RNF180: variants seen among roughly 807,000 people sequenced by gnomAD.
The protein encoded by RNF180 is ring finger protein 180, also known as E3 ubiquitin-protein ligase RNF180.
In RNF180, 38 loss-of-function variants were observed where a neutral mutation model predicts 59.2. The ratio of observed to expected loss-of-function variants is 0.64; its 90% CI spans 0.50 to 0.84. The LOEUF (loss-of-function observed/expected upper bound fraction) is 0.84. Ranked by LOEUF, RNF180 falls within the 40% of genes least tolerant of loss-of-function variation. The pLI is 0.00. For missense variants in RNF180, 705 were observed against 700.9 expected, an observed-to-expected ratio of 1.01 and a Z score of -0.07; for synonymous variants, 262 against 240.3, an observed-to-expected ratio of 1.09 and a Z score of -0.84.
At chr5:64,272,275 G>A (rs1044206347) in intron 5 of RNF180, among the ~76,000 whole-genome samples, 1 of 152,024 alleles carries the variant, frequency 6.6e-6, no homozygotes, top group Admixed American at 6.6e-5. Context: ...AATTGAAAAA[G>A]TGTCCTTTTG....
intron 5 of RNF180, among the ~76,000 whole-genome samples, chr5:64,302,336 A>T (rs909987317): frequency 5.9e-5 from 9 of 151,440 alleles, no homozygotes; most frequent in Non-Finnish European, 1.2e-4. Flanking sequence ...TTATTTATTT[A>T]TTTTTTTAGT....
chr5:64,369,688 C>T lies in RNF180; in HGVS notation c.1653C>T (p.His551=), dbSNP rs1258636845. ...PHGAHRMDYL[H]FEDDSRGWWF... is the part of the protein sequence containing the mutation. ...GTGCACACAGGATGGATTACCTGCA[C>T]TTTGAGGATGATAGCCGTGGATGGT... Residue 551 remains histidine (H), a synonymous_variant, in exon 8 of 8, where the codon CAC becomes CAT. Transcript: ENST00000389100. The T allele has an allele frequency of 5.8e-6, 9 of 1,547,986 alleles. No homozygotes were observed. In the South Asian group the frequency reaches 1.1e-4, roughly 18 times the overall value.
chr5:64,175,583 T>G (rs910783916), intron 1 of RNF180, among the ~76,000 whole-genome samples: 1 of 152,188 alleles, frequency 6.6e-6, no homozygotes, highest in African/African-American at 2.4e-5. Context: ...TGCTCAAGAT[T>G]ACTTTGGCTA....
chr5:64,322,736 A>G (rs1156678438), intron 5 of RNF180, among the ~76,000 whole-genome samples: 2 of 152,110 alleles, frequency 1.3e-5, no homozygotes, highest in Non-Finnish European at 2.9e-5. Context: ...GAAGTAACTC[A>G]GGAATGGAAA....
chr5:64,234,849 T>C (rs572342993), intron 5 of RNF180, among the ~76,000 whole-genome samples: 2 of 152,052 alleles, frequency 1.3e-5, no homozygotes, highest in East Asian at 3.9e-4. Context: ...TCCACCCTCC[T>C]TGGCCTCCCG....
At chr5:64,213,090 T>A (rs1266424295) in intron 3 of RNF180, among the ~76,000 whole-genome samples, 2 of 152,240 alleles carry the variant, frequency 1.3e-5, no homozygotes, top group Non-Finnish European at 2.9e-5. Flanking sequence ...TTTGGTTGTA[T>A]GTAAAAAGCC....
At chr5:64,269,263 C>G (rs1449832861) in intron 5 of RNF180, among the ~76,000 whole-genome samples, 1 of 152,124 alleles carries the variant, frequency 6.6e-6, no homozygotes. Context: ...GACAGGGTCT[C>G]ACTCTGTCAC....
At chr5:64,215,566 T>C (rs1033662069) in intron 4 of RNF180, among the ~76,000 whole-genome samples, 3 of 152,088 alleles carry the variant, frequency 2.0e-5, no homozygotes, top group Admixed American at 2.0e-4. Context: ...TGTTTACAAG[T>C]GATAGTATAA....
intron 5 of RNF180, among the ~76,000 whole-genome samples, chr5:64,314,287 C>G (rs934708622): frequency 7.6e-6 from 1 of 131,936 alleles, no homozygotes; most frequent in African/African-American, 3.3e-5. Flanking sequence ...AGCATGCCAA[C>G]ATTTTTTTTT....
chr5:64,274,803 G>A (rs898241622), intron 5 of RNF180, among the ~76,000 whole-genome samples: 1 of 151,884 alleles, frequency 6.6e-6, no homozygotes, highest in Non-Finnish European at 1.5e-5. Flanking sequence ...ATAGAGTGTA[G>A]AATTTTGACT....
At chr5:64,215,276 T>C (rs912839804) in intron 4 of RNF180, among the ~76,000 whole-genome samples, 1 of 152,162 alleles carries the variant, frequency 6.6e-6, no homozygotes, top group African/African-American at 2.4e-5. Flanking sequence ...GCAAATTGAC[T>C]TTATTATCTA....
intron 5 of RNF180, among the ~76,000 whole-genome samples, chr5:64,245,517 A>G (rs571246393): frequency 3.1e-3 from 465 of 152,296 alleles, no homozygotes; most frequent in Non-Finnish European, 5.7e-3. Flanking sequence ...AAAAAAGACA[A>G]AGAAGGGCAT....
intron 5 of RNF180, among the ~76,000 whole-genome samples, chr5:64,303,482 C>T (rs1743268180): frequency 6.6e-6 from 1 of 151,446 alleles, no homozygotes; most frequent in African/African-American, 2.4e-5. Flanking sequence ...AAGTGCTACT[C>T]CAGTGAATAC....
chr5:64,180,776 C>T (rs969329261), intron 1 of RNF180, among the ~76,000 whole-genome samples: 1 of 152,246 alleles, frequency 6.6e-6, no homozygotes, highest in East Asian at 1.9e-4. Context: ...CATCCCTTTT[C>T]GCCTCTCAGA....
intron 7 of RNF180, among the ~76,000 whole-genome samples, chr5:64,336,765 G>T (rs903736342): frequency 6.6e-6 from 1 of 151,734 alleles, no homozygotes; most frequent in Non-Finnish European, 1.5e-5. Context: ...GCCCTTATTG[G>T]TTTTATAAAA....
chr5:64,252,367 C>T (rs1335452138), intron 5 of RNF180, among the ~76,000 whole-genome samples: 2 of 152,086 alleles, frequency 1.3e-5, no homozygotes, highest in East Asian at 3.8e-4. Context: ...AAAGATACAT[C>T]ATATGACATG....
intron 4 of RNF180, among the ~76,000 whole-genome samples, chr5:64,216,604 T>G (rs985436338): frequency 3.9e-5 from 6 of 152,200 alleles, no homozygotes; most frequent in African/African-American, 1.4e-4. Context: ...TAGACATCTT[T>G]CAGTAATCTA....
intron 5 of RNF180, among the ~76,000 whole-genome samples, chr5:64,312,703 C>G (rs1743831375): frequency 6.6e-6 from 1 of 152,076 alleles, no homozygotes; most frequent in Admixed American, 6.6e-5. Flanking sequence ...AACACCCACA[C>G]AGGAACAGGA....
chr5:64,369,772 C>A lies in RNF180; in HGVS notation c.1737C>A (p.Phe579Leu). 1 of 1,526,464 alleles carries A rather than the reference C, an allele frequency of 6.6e-7. No homozygotes were observed. The allele number at this position is 1,526,464 out of a possible 1,614,324, so 94.6% of individuals were successfully genotyped here. The change falls in exon 8 of 8, where the codon TTC (phenylalanine) becomes TTA (leucine). Residue 579 changes from phenylalanine to leucine, a missense_variant. Transcript: ENST00000389100. Reference protein sequence around the residue: ...YIYSVNWVIGFIVFCFLCYFF... With the variant: ...YIYSVNWVIGLIVFCFLCYFF... The stretch of plus-strand genomic sequence containing the variant: ...ATTCAGTGAACTGGGTCATTGGATT[C>A]ATTGTTTTCTGCTTTCTTTGCTATT...
Sources: gnomAD v4.1 joint callset for allele counts (sites outside exome capture counted in the v4.1 genomes callset) on GRCh38, gnomAD v4.1.1 for gene constraint, MANE v1.5 for transcripts, NCBI Gene and HGNC (gene_info 2026-07-23, HGNC 2026-07-21) for gene names.